Variants in DRC11 observed in about 807,000 individuals in gnomAD.
DRC11 encodes IQ and AAA domain-containing protein 1.
chr2:236,467,865 T>C, the DRC11 span, among the ~76,000 whole-genome samples: 9 of 152,336 alleles, frequency 5.9e-5, no homozygotes, highest in African/African-American at 2.2e-4. Flanking sequence ...ATTAGTTAAA[T>C]GTAACACAAA....
At chr2:236,333,027 C>T in the DRC11 span, 1 of 152,226 alleles carries the variant, frequency 6.6e-6, no homozygotes, top group African/African-American at 2.4e-5. The surrounding 1 kb of genome is among the most constrained non-coding windows in gnomAD (Gnocchi z 6.0). Flanking sequence ...GCTTGAGCCC[C>T]AAACTAGTCT....
chr2:236,494,000 AT>A, the DRC11 span: 1 of 866,684 alleles, frequency 1.2e-6, no homozygotes, highest in Non-Finnish European at 1.6e-6. Flanking sequence ...TTTACTTCCC[AT>A]TTTCATTTAA....
the DRC11 span, chr2:236,331,804 C>A: frequency 7.1e-6 from 4 of 565,990 alleles, no homozygotes; most frequent in South Asian, 2.2e-5. This position sits in a 1 kb window ranked among gnomAD's most constrained non-coding sequence, Gnocchi z 4.8. Flanking sequence ...ATATCAATGA[C>A]CCTGAGGTCT....
At chr2:236,343,313 T>G in the DRC11 span, among the ~76,000 whole-genome samples, 22,700 of 152,182 alleles carry the variant, frequency 0.15, 1,739 homozygotes, top group Admixed American at 0.19. This position sits in a 1 kb window ranked among gnomAD's most constrained non-coding sequence, Gnocchi z 6.6. Flanking sequence ...GACTCAGATG[T>G]GCAGTGAGCA....
At chr2:236,357,661 A>G in the DRC11 span, among the ~76,000 whole-genome samples, 3 of 114,526 alleles carry the variant, frequency 2.6e-5, no homozygotes, top group Admixed American at 2.8e-4. Flanking sequence ...AATTATATTC[A>G]TAATACATAA....
At chr2:236,375,943 G>C in the DRC11 span, among the ~76,000 whole-genome samples, 4 of 152,184 alleles carry the variant, frequency 2.6e-5, no homozygotes, top group African/African-American at 9.7e-5. The surrounding 1 kb of genome is among the most constrained non-coding windows in gnomAD (Gnocchi z 4.2). Flanking sequence ...CTGCCTGAGA[G>C]GCTGCTGGGA....
At chr2:236,439,728 A>AAAAT in the DRC11 span, among the ~76,000 whole-genome samples, 2 of 152,152 alleles carry the variant, frequency 1.3e-5, no homozygotes, top group Non-Finnish European at 2.9e-5. Flanking sequence ...CATTTTTTAT[A>AAAAT]ATGTCCAGGG....
At chr2:236,422,897 G>T in the DRC11 span, among the ~76,000 whole-genome samples, 7 of 151,646 alleles carry the variant, frequency 4.6e-5, no homozygotes, top group African/African-American at 1.5e-4. Context: ...AAATAATGCC[G>T]CATATCTACA....
chr2:236,357,533 A>C, the DRC11 span, among the ~76,000 whole-genome samples: 2 of 127,416 alleles, frequency 1.6e-5, no homozygotes, highest in Non-Finnish European at 1.5e-5. Flanking sequence ...TATATTATGA[A>C]TATAATTTAT....
the DRC11 span, among the ~76,000 whole-genome samples, chr2:236,398,083 T>C: frequency 6.6e-6 from 1 of 152,184 alleles, no homozygotes; most frequent in Non-Finnish European, 1.5e-5. The surrounding 1 kb of genome is among the most constrained non-coding windows in gnomAD (Gnocchi z 6.2). Context: ...GAGAGCAACA[T>C]TTACCTCCCC....
chr2:236,498,190 A>G, the DRC11 span, among the ~76,000 whole-genome samples: 2 of 151,666 alleles, frequency 1.3e-5, no homozygotes, highest in East Asian at 1.9e-4. Flanking sequence ...GGTGCAGGCC[A>G]GGCGTGGTGG....
chr2:236,441,564 T>C, the DRC11 span, among the ~76,000 whole-genome samples: 1 of 152,208 alleles, frequency 6.6e-6, no homozygotes, highest in African/African-American at 2.4e-5. Context: ...TTTAGTTAAA[T>C]CTGAGGCCCT....
the DRC11 span, chr2:236,408,165 A>G: frequency 1.4e-6 from 1 of 712,230 alleles, no homozygotes; most frequent in Non-Finnish European, 2.6e-6. This position sits in a 1 kb window ranked among gnomAD's most constrained non-coding sequence, Gnocchi z 5.5. Flanking sequence ...CAGTGGAGGC[A>G]TTGTTCTTGA....
the DRC11 span, among the ~76,000 whole-genome samples, chr2:236,459,566 T>C: frequency 3.8e-4 from 54 of 143,258 alleles, no homozygotes; most frequent in African/African-American, 6.4e-4. Flanking sequence ...TATACGTATA[T>C]ATGTGTATAC....
chr2:236,420,170 T>G, the DRC11 span, among the ~76,000 whole-genome samples: 1 of 151,994 alleles, frequency 6.6e-6, no homozygotes, highest in Non-Finnish European at 1.5e-5. This position sits in a 1 kb window ranked among gnomAD's most constrained non-coding sequence, Gnocchi z 4.8. Flanking sequence ...CGCATGGGGG[T>G]TGCTGTTGTT....
the DRC11 span, chr2:236,391,839 C>A: frequency 1.4e-6 from 1 of 709,796 alleles, no homozygotes; most frequent in Non-Finnish European, 2.5e-6. This position sits in a 1 kb window ranked among gnomAD's most constrained non-coding sequence, Gnocchi z 4.5. Context: ...ATTAAATTTA[C>A]CAAAGGCAGG....
At chr2:236,468,271 T>C in the DRC11 span, among the ~76,000 whole-genome samples, 1 of 152,036 alleles carries the variant, frequency 6.6e-6, no homozygotes, top group Non-Finnish European at 1.5e-5. Context: ...TTTGTACTTT[T>C]TGTAGAGATG....
chr2:236,399,477 T>C, the DRC11 span: 1 of 1,613,958 alleles, frequency 6.2e-7, no homozygotes, highest in East Asian at 2.2e-5. The surrounding 1 kb of genome is among the most constrained non-coding windows in gnomAD (Gnocchi z 7.0). Context: ...TTTTCCATTT[T>C]TCGTCTTCTT....
chr2:236,329,029 A>G, the DRC11 span, among the ~76,000 whole-genome samples: 1 of 152,100 alleles, frequency 6.6e-6, no homozygotes, highest in South Asian at 2.1e-4. Flanking sequence ...AGCTCTCAGA[A>G]ATCACCTGCT....
Sources: gnomAD v4.1 joint callset for allele counts (sites outside exome capture counted in the v4.1 genomes callset) on GRCh38, gnomAD v4.1.1 for gene constraint, Gnocchi (gnomAD v3.1) non-coding constraint, MANE v1.5 for transcripts, NCBI Gene and HGNC (gene_info 2026-07-23, HGNC 2026-07-21) for gene names.